Variants in MACROD2 observed in about 807,000 individuals in gnomAD.
MACROD2 encodes the protein mono-ADP ribosylhydrolase 2.
A neutral mutation model predicts 70.4 loss-of-function variants in MACROD2; 36 were observed. The ratio of observed to expected loss-of-function variants is 0.51; its 90% CI spans 0.39 to 0.68. MACROD2 has a LOEUF of 0.68. Ranked by LOEUF, MACROD2 falls within the 30% of genes least tolerant of loss-of-function variation. The pLI is 0.00. For synonymous variants in MACROD2, 172 were observed against 178.8 expected (o/e 0.96, Z 0.30); for missense variants, 496 against 538.4 (o/e 0.92, Z 0.78).
At chr20:15,091,034 C>A (rs1311752118) in intron 5 of MACROD2, among the ~76,000 whole-genome samples, 1 of 151,968 alleles carries the variant, frequency 6.6e-6, no homozygotes, top group Non-Finnish European at 1.5e-5. Context: ...ACCTCCCCAA[C>A]TATAGCATCC....
intron 3 of MACROD2, among the ~76,000 whole-genome samples, chr20:14,150,039 C>G (rs6079322): frequency 6.6e-6 from 1 of 151,790 alleles, no homozygotes; most frequent in Non-Finnish European, 1.5e-5. Context: ...AACATAATTT[C>G]TCTTCTTTTA....
intron 3 of MACROD2, among the ~76,000 whole-genome samples, chr20:14,119,511 T>C (rs1049834646): frequency 2.3e-4 from 35 of 152,242 alleles, no homozygotes; most frequent in African/African-American, 7.9e-4. Context: ...TTGGTCACTG[T>C]TGGTGCTTCA....
chr20:15,944,856 A>C (rs1357821767), intron 12 of MACROD2, among the ~76,000 whole-genome samples: 1 of 152,186 alleles, frequency 6.6e-6, no homozygotes, highest in African/African-American at 2.4e-5. Flanking sequence ...TCTATCATGC[A>C]TCTCTTTCTG....
At position 14,276,533 on chromosome 20, in the gene MACROD2, C is replaced by A. The variant is rs184454855; in HGVS notation, c.271+190805C>A. 3.4e-5 allele frequency among the ~76,000 whole-genome samples: 5 copies of A among 148,712 alleles called. No homozygotes were observed. In the East Asian group the frequency reaches 1.0e-3, roughly 30 times the overall value. On this transcript the variant is annotated intron_variant, in intron 3 of 17. Transcript: ENST00000684519. ...AGGAGATATACCTAATGCTAAATGA[C>A]GAGTCAATGGGTGCAGCACACCAGC...
intron 3 of MACROD2, among the ~76,000 whole-genome samples, chr20:14,421,994 G>C (rs949215933): frequency 6.6e-6 from 1 of 152,052 alleles, no homozygotes; most frequent in African/African-American, 2.4e-5. Flanking sequence ...AAGGTATTGA[G>C]TCTTCGACTA....
At chr20:15,606,095 C>T (rs562110248) in intron 8 of MACROD2, among the ~76,000 whole-genome samples, 27 of 152,132 alleles carry the variant, frequency 1.8e-4, no homozygotes, top group East Asian at 1.9e-4. Context: ...ATTGCAAATG[C>T]TTCTGGCTTA....
intron 10 of MACROD2, among the ~76,000 whole-genome samples, chr20:15,892,294 G>A (rs922400575): frequency 6.6e-6 from 1 of 152,156 alleles, no homozygotes; most frequent in Non-Finnish European, 1.5e-5. Flanking sequence ...AACACCTAAT[G>A]AAGTGTTCTA....
intron 3 of MACROD2, among the ~76,000 whole-genome samples, chr20:14,484,903 A>T (rs2084704852): frequency 6.6e-6 from 1 of 152,224 alleles, no homozygotes; most frequent in Non-Finnish European, 1.5e-5. Context: ...AACAAATACA[A>T]AAGTGCAGAT....
At chr20:15,325,205 T>C (rs1183019780) in intron 6 of MACROD2, among the ~76,000 whole-genome samples, 2 of 152,206 alleles carry the variant, frequency 1.3e-5, no homozygotes, top group African/African-American at 2.4e-5. Flanking sequence ...TAGCTAGGAA[T>C]GTATTTACTT....
At chr20:14,447,976 A>ATG (rs11087090) in intron 3 of MACROD2, among the ~76,000 whole-genome samples, 61,933 of 142,898 alleles carry the variant, frequency 0.43, 13,699 homozygotes, top group East Asian at 0.75. Context: ...ACCCATGAAA[A>ATG]TGTGTGTGTG....
intron 10 of MACROD2, among the ~76,000 whole-genome samples, chr20:15,912,259 A>G (rs145909310): frequency 2.4e-4 from 37 of 152,306 alleles, no homozygotes; most frequent in Non-Finnish European, 5.3e-4. Context: ...GCCACAGGGA[A>G]TTATTTCCCT....
chr20:14,850,091 C>T (rs776836562), intron 5 of MACROD2: 6 of 452,196 alleles, frequency 1.3e-5, no homozygotes, highest in Non-Finnish European at 2.6e-5. Flanking sequence ...GCCAAAATAA[C>T]GTAGGATGGA....
Position 15,876,109 on chromosome 20 carries a change from A to ATATATATATATATATATATATGTATG in MACROD2, c.728-9652_728-9651insATATATATATATATATATGTATGTAT, listed in dbSNP as rs57817982. 3.2e-3 allele frequency among the ~76,000 whole-genome samples: 403 copies of ATATATATATATATATATATATGTATG among 124,358 alleles called. 4 individuals are homozygous for ATATATATATATATATATATATGTATG. The highest frequency in any genetic ancestry group is 0.014 in the East Asian group (50 of 3,492). The allele number at this position is 124,358 out of a possible 152,430, so 81.6% of individuals were successfully genotyped here. ...ATGTCTTTTATATATATATATATAT[A>ATATATATATATATATATATATGTATG]TATGTGTGTATTTTTTTTATTACAC... On this transcript the variant is annotated intron_variant, in intron 9 of 17. Transcript: ENST00000684519.
chr20:14,155,449 A>G (rs1033942028), intron 3 of MACROD2, among the ~76,000 whole-genome samples: 1 of 152,172 alleles, frequency 6.6e-6, no homozygotes, highest in African/African-American at 2.4e-5. Flanking sequence ...GTATAGATTG[A>G]TTATCTGTGG....
chr20:15,633,314 T>C (rs1042015566), intron 8 of MACROD2, among the ~76,000 whole-genome samples: 4 of 152,316 alleles, frequency 2.6e-5, no homozygotes, highest in South Asian at 2.1e-4. Flanking sequence ...TTCTTAAAAC[T>C]GGACCTTACA....
chr20:15,945,213 T>A (rs1330684070), intron 12 of MACROD2, among the ~76,000 whole-genome samples: 1 of 152,194 alleles, frequency 6.6e-6, no homozygotes, highest in East Asian at 1.9e-4. Context: ...AGGCTCAATT[T>A]TTTTAGTCAT....
At position 15,867,687 on chromosome 20, in the gene MACROD2, A is replaced by G. The variant is rs149432009; in HGVS notation, c.727+4861A>G. 9.4e-3 allele frequency among the ~76,000 whole-genome samples: 1,439 copies of G among 152,320 alleles called. 14 individuals carry two copies. Among genetic ancestry groups the G allele is most frequent in the Middle Eastern group, 0.02 (6 of 294 alleles). ...GACAATTCCCGATCTGGAATGTGGA[A>G]GTCATTTTTTCTTTTTTTTCTACTA... On this transcript the variant is annotated intron_variant, in intron 9 of 17. Transcript: ENST00000684519.
intron 3 of MACROD2, among the ~76,000 whole-genome samples, chr20:14,334,728 A>G (rs937361033): frequency 1.3e-5 from 2 of 152,040 alleles, no homozygotes; most frequent in Non-Finnish European, 2.9e-5. Flanking sequence ...AAAATTACTG[A>G]ATCTTATTTC....
At chr20:15,265,741 C>T (rs538461694) in intron 6 of MACROD2, among the ~76,000 whole-genome samples, 1 of 152,140 alleles carries the variant, frequency 6.6e-6, no homozygotes, top group Non-Finnish European at 1.5e-5. Flanking sequence ...AAGGCTATAA[C>T]CATGCACACA....
Sources: allele counts gnomAD v4.1 joint callset (sites outside exome capture counted in the v4.1 genomes callset), GRCh38; gene constraint gnomAD v4.1.1; transcripts MANE v1.5; gene names NCBI Gene and HGNC (gene_info 2026-07-23, HGNC 2026-07-21).